Variants in RARB observed in about 807,000 individuals in gnomAD.
RARB encodes retinoic acid receptor beta, also known as HBV-activated protein.
A neutral mutation model predicts 51.9 loss-of-function variants in RARB; 17 were observed. That is an observed-to-expected ratio of 0.33 (90% CI 0.22 to 0.49). The LOEUF is 0.49. Among genes scored for constraint, RARB ranks in the 20% least tolerant of loss-of-function variants. RARB has a pLI of 0.99. For synonymous variants in RARB, 215 were observed against 195.4 expected (o/e 1.10, Z -0.84); for missense variants, 369 against 550.8 (o/e 0.67, Z 3.30).
chr3:25,325,836 C>G lies in RARB; in HGVS notation c.179-135357C>G, dbSNP rs191570717. Among the ~76,000 whole-genome samples the G allele has an allele frequency of 8.8e-3, 1,343 of 151,820 alleles. 10 individuals carry two copies. Among genetic ancestry groups the G allele is most frequent in the Middle Eastern group, 0.027 (8 of 294 alleles). On this transcript the variant is annotated intron_variant, in intron 5 of 11. Transcript: ENST00000383772. ...AGTGGGGGGCGGGGGGAAGAAAGAG[C>G]TTTTGGAAATAAAGATAAAATTACC...
At chr3:25,533,431 G>A (rs999689433) in intron 3 of RARB, among the ~76,000 whole-genome samples, 1 of 152,154 alleles carries the variant, frequency 6.6e-6, no homozygotes, top group African/African-American at 2.4e-5. Flanking sequence ...CCTGGATAGT[G>A]GTGTATTATT....
At chr3:25,191,808 C>G (rs1194725287) in intron 5 of RARB, among the ~76,000 whole-genome samples, 1 of 152,074 alleles carries the variant, frequency 6.6e-6, no homozygotes, top group Non-Finnish European at 1.5e-5. Context: ...CAGTAGTTTG[C>G]TTCAATGACA....
chr3:25,148,237 G>A (rs1056780000), intron 4 of RARB, among the ~76,000 whole-genome samples: 10 of 146,336 alleles, frequency 6.8e-5, no homozygotes, highest in Non-Finnish European at 1.5e-4. Flanking sequence ...GGGGCATTTT[G>A]CTGGCAGGTC....
intron 5 of RARB, among the ~76,000 whole-genome samples, chr3:25,358,454 T>C (rs1705820776): frequency 6.6e-6 from 1 of 152,214 alleles, no homozygotes; most frequent in Non-Finnish European, 1.5e-5. Flanking sequence ...CCTCTCTTCC[T>C]ATTTCAAAAC....
chr3:25,557,263 A>G (rs1700101728), intron 3 of RARB, among the ~76,000 whole-genome samples: 1 of 152,168 alleles, frequency 6.6e-6, no homozygotes, highest in African/African-American at 2.4e-5. Context: ...CTCAATAACT[A>G]TTAGTGGAAT....
At chr3:25,025,826 C>T (rs987447236) in intron 2 of RARB, among the ~76,000 whole-genome samples, 1 of 152,080 alleles carries the variant, frequency 6.6e-6, no homozygotes, top group Admixed American at 6.6e-5. Flanking sequence ...ATATAAATCC[C>T]ATTAAGTGTC....
At chr3:25,383,944 AG>A (rs1274358862) in intron 5 of RARB, among the ~76,000 whole-genome samples, 1 of 151,298 alleles carries the variant, frequency 6.6e-6, no homozygotes, top group Non-Finnish European at 1.5e-5. Context: ...AAAAAAAAAA[AG>A]GTTTTTAATT....
chr3:25,298,444 A>G (rs1046656011), intron 5 of RARB, among the ~76,000 whole-genome samples: 2 of 152,118 alleles, frequency 1.3e-5, no homozygotes, highest in Non-Finnish European at 2.9e-5. Flanking sequence ...CCTCTAGTAC[A>G]TGCTTAAAAA....
chr3:25,414,778 G>C (rs1008815577), intron 5 of RARB, among the ~76,000 whole-genome samples: 6 of 152,188 alleles, frequency 3.9e-5, no homozygotes, highest in African/African-American at 4.8e-5. Flanking sequence ...AAGGGTGCTT[G>C]CTTTGTTACT....
chr3:25,205,969 G>A (rs1452677198), intron 5 of RARB, among the ~76,000 whole-genome samples: 1 of 152,016 alleles, frequency 6.6e-6, no homozygotes, highest in Non-Finnish European at 1.5e-5. Flanking sequence ...CAGATGATTT[G>A]GCCCAACTGT....
rs570870568 is a variant in RARB, at chr3:25,541,837, C to G, written c.449-27921C>G. Among the ~76,000 whole-genome samples the G allele has an allele frequency of 1.2e-4, 19 of 152,348 alleles. No individual in the cohort carries two copies. In the South Asian group the frequency reaches 2.1e-3, roughly 17 times the overall value. ...CAGAACAACCCTCCGGCCCCTTCCT[C>G]CACAGACTCCTGAGCCCCTCTGTGG... On this transcript the variant is annotated intron_variant, in intron 3 of 7. Transcript: ENST00000330688.
intron 2 of RARB, among the ~76,000 whole-genome samples, chr3:25,013,634 G>C (rs1342934732): frequency 2.0e-5 from 3 of 152,004 alleles, no homozygotes; most frequent in Non-Finnish European, 4.4e-5. Flanking sequence ...CAAACACCCA[G>C]TTCTAGGATA....
At chr3:24,979,929 A>G (rs147403828) in intron 2 of RARB, among the ~76,000 whole-genome samples, 2,047 of 149,706 alleles carry the variant, frequency 0.014, 47 homozygotes, top group African/African-American at 0.048. Flanking sequence ...TTATTTCCAC[A>G]TGCTTCCTTC....
chr3:25,298,537 T>C (rs1264619429), intron 5 of RARB, among the ~76,000 whole-genome samples: 1 of 152,154 alleles, frequency 6.6e-6, no homozygotes, highest in Non-Finnish European at 1.5e-5. Context: ...GTGTCTGTGT[T>C]TCAGAATCAA....
chr3:25,109,026 A>C (rs2125324546), intron 3 of RARB, among the ~76,000 whole-genome samples: 1 of 152,272 alleles, frequency 6.6e-6, no homozygotes, highest in Non-Finnish European at 1.5e-5. Flanking sequence ...CACCAATGAT[A>C]ACATCTTGGA....
chr3:24,900,717 AT>A (rs1197547751), intron 2 of RARB, among the ~76,000 whole-genome samples: 1 of 152,208 alleles, frequency 6.6e-6, no homozygotes, highest in Non-Finnish European at 1.5e-5. Flanking sequence ...ATGTAAATGC[AT>A]TTAGGCACAA....
intron 4 of RARB, among the ~76,000 whole-genome samples, chr3:25,164,408 G>A (rs1700528148): frequency 6.6e-6 from 1 of 150,762 alleles, no homozygotes; most frequent in Non-Finnish European, 1.5e-5. Context: ...ACCCATGTGT[G>A]CAGTGACCTG....
chr3:25,223,122 G>C (rs1701982921), intron 5 of RARB, among the ~76,000 whole-genome samples: 1 of 152,082 alleles, frequency 6.6e-6, no homozygotes. Flanking sequence ...CCACAATTAA[G>C]ATATTAAGCA....
intron 5 of RARB, among the ~76,000 whole-genome samples, chr3:25,234,646 C>CT (rs138891905): frequency 0.13 from 19,342 of 151,292 alleles, 1,485 homozygotes; most frequent in Non-Finnish European, 0.17. Flanking sequence ...TTCCCTGGGA[C>CT]TTTTTTTTCA....
Sources: allele counts gnomAD v4.1 joint callset (sites outside exome capture counted in the v4.1 genomes callset), GRCh38; gene constraint gnomAD v4.1.1; transcripts MANE v1.5; gene names NCBI Gene and HGNC (gene_info 2026-07-23, HGNC 2026-07-21).